Variants in SSBP3 observed in about 807,000 individuals in gnomAD.
SSBP3 encodes the protein single-stranded DNA-binding protein 3.
A neutral mutation model predicts 69.6 loss-of-function variants in SSBP3; 5 were observed. The observed-to-expected ratio is 0.07, with a 90% CI of 0.04 to 0.15. SSBP3 has a LOEUF of 0.15. Among genes scored for constraint, SSBP3 ranks in the 10% least tolerant of loss-of-function variants. The pLI, the probability that SSBP3 is intolerant of heterozygous loss-of-function variation, is 1.00. For synonymous variants in SSBP3, 196 were observed against 193.4 expected (o/e 1.01, Z -0.11); for missense variants, 312 against 534.0 (o/e 0.58, Z 4.10).
At chr1:54,406,879 T>C (rs1416179345), upstream of SSBP3, among the ~76,000 whole-genome samples, 2 of 149,368 alleles carry the variant, frequency 1.3e-5, no homozygotes, top group Non-Finnish European at 3.0e-5. Flanking sequence ...GCCCAGCCCT[T>C]ATCTCGCCCT....
chr1:54,345,180 C>T (rs1646669314), intron 4 of SSBP3, among the ~76,000 whole-genome samples: 1 of 152,076 alleles, frequency 6.6e-6, no homozygotes, highest in African/African-American at 2.4e-5. Flanking sequence ...GAAACTTCTG[C>T]AAGGGAAGAA....
At chr1:54,373,600 T>TA (rs916292638) in intron 4 of SSBP3, among the ~76,000 whole-genome samples, 56 of 149,976 alleles carry the variant, frequency 3.7e-4, no homozygotes, top group South Asian at 1.3e-3. Flanking sequence ...CCCATCTCTA[T>TA]AAAAAAAAAT....
At chr1:54,318,821 T>TGTTATTATATCACTG (rs1292021206) in intron 4 of SSBP3, among the ~76,000 whole-genome samples, 2 of 152,194 alleles carry the variant, frequency 1.3e-5, no homozygotes, top group Non-Finnish European at 2.9e-5. Context: ...TGTACCAGCC[T>TGTTATTATATCACTG]TACCTATGCC....
chr1:54,231,151 A>T (rs1644373370), intron 14 of SSBP3, among the ~76,000 whole-genome samples: 2 of 152,192 alleles, frequency 1.3e-5, no homozygotes, highest in South Asian at 4.1e-4. Context: ...GCCATTTTAC[A>T]TTCCCACGAG....
At chr1:54,257,799 G>A (rs1644948364) in intron 6 of SSBP3, among the ~76,000 whole-genome samples, 1 of 152,158 alleles carries the variant, frequency 6.6e-6, no homozygotes, top group African/African-American at 2.4e-5. Flanking sequence ...AACCAAAAGT[G>A]AGAGAGGAAA....
At chr1:54,340,434 C>T (rs1453431144) in intron 4 of SSBP3, among the ~76,000 whole-genome samples, 5 of 152,330 alleles carry the variant, frequency 3.3e-5, no homozygotes, top group Admixed American at 3.3e-4. Flanking sequence ...GCTTCAAGCC[C>T]ACCCATCTCC....
At chr1:54,254,192 T>C (rs671584) in intron 7 of SSBP3, among the ~76,000 whole-genome samples, 94,989 of 152,146 alleles carry the variant, frequency 0.62, 30,746 homozygotes, top group African/African-American at 0.79. Context: ...CTCTGGGGCT[T>C]CTGGACGGAG....
intron 4 of SSBP3, among the ~76,000 whole-genome samples, chr1:54,294,463 CCCA>C (rs1557505320): frequency 1.3e-5 from 2 of 152,208 alleles, no homozygotes; most frequent in Non-Finnish European, 2.9e-5. Context: ...ATCACCCCCT[CCCA>C]AGACAATGGG....
intron 4 of SSBP3, among the ~76,000 whole-genome samples, chr1:54,291,680 A>G (rs1645610916): frequency 6.6e-6 from 1 of 152,204 alleles, no homozygotes; most frequent in Non-Finnish European, 1.5e-5. Flanking sequence ...CAGAGTCATT[A>G]ATTGATTTAT....
At chr1:54,343,119 G>A (rs930164308) in intron 4 of SSBP3, among the ~76,000 whole-genome samples, 1 of 152,166 alleles carries the variant, frequency 6.6e-6, no homozygotes, top group African/African-American at 2.4e-5. Context: ...CTGTACCAGG[G>A]GGATACTTAG....
In SSBP3 at chr1:54,243,306, C is replaced by T. The variant is rs746611166; in HGVS notation, c.652-7G>A. ...TCATGCCGCTGCCGTAATTCTGCAA[C>T]GATAACCAAGGGTCAGTCTATGAGA... On this transcript the variant is annotated splice_polypyrimidine_tract_variant and splice_region_variant and intron_variant, in intron 9 of 17. Coordinates refer to ENST00000610401, the Ensembl canonical transcript of SSBP3. 7.4e-6 allele frequency: 12 copies of T among 1,613,228 alleles called. No individual in the cohort carries two copies. Among genetic ancestry groups the T allele is most frequent in the East Asian group, 2.2e-5 (1 of 44,852 alleles).
chr1:54,355,406 G>A (rs1646847231), intron 4 of SSBP3, among the ~76,000 whole-genome samples: 2 of 152,180 alleles, frequency 1.3e-5, no homozygotes, highest in Non-Finnish European at 2.9e-5. Flanking sequence ...CTGGAGTACA[G>A]TGGCACAATC....
intron 4 of SSBP3, among the ~76,000 whole-genome samples, chr1:54,331,583 G>C (rs906552352): frequency 6.6e-6 from 1 of 152,186 alleles, no homozygotes; most frequent in African/African-American, 2.4e-5. Context: ...AACAGAGCTG[G>C]AGTTCCTCTT....
intron 5 of SSBP3, among the ~76,000 whole-genome samples, chr1:54,270,458 T>C (rs536910786): frequency 6.6e-6 from 1 of 152,278 alleles, no homozygotes; most frequent in Non-Finnish European, 1.5e-5. Flanking sequence ...GGAAGTAACG[T>C]GTTAAAGGGC....
At chr1:54,239,669 G>T (rs913036115) in intron 13 of SSBP3, among the ~76,000 whole-genome samples, 2 of 152,318 alleles carry the variant, frequency 1.3e-5, no homozygotes, top group East Asian at 1.9e-4. Flanking sequence ...GGCTGGAAAC[G>T]CATTCACATA....
chr1:54,384,600 G>A (rs1431583694), intron 4 of SSBP3, among the ~76,000 whole-genome samples: 1 of 152,244 alleles, frequency 6.6e-6, no homozygotes, highest in Non-Finnish European at 1.5e-5. Context: ...GGTTCCCTGA[G>A]AGGAGAAAGA....
exon 18 of SSBP3, chr1:54,227,070 T>C (rs1370848688): frequency 1.4e-6 from 2 of 1,424,646 alleles, no homozygotes. Context: ...ACTTCTTGCA[T>C]AATTTCTGGC....
intron 5 of SSBP3, among the ~76,000 whole-genome samples, chr1:54,263,068 C>T (rs1645042599): frequency 6.6e-6 from 1 of 152,184 alleles, no homozygotes; most frequent in South Asian, 2.1e-4. Context: ...TCCTGAGAGC[C>T]ACTTAGGCAG....
rs192081357 is a variant in SSBP3 at position 54,330,288 on chromosome 1, A to C, written c.277-48761T>G. Among the ~76,000 whole-genome samples, 13 of 152,326 alleles carry C rather than the reference A, an allele frequency of 8.5e-5. No individual in the cohort carries two copies. The East Asian group carries it at 2.1e-3, about 25-fold the overall frequency. ...CCCAAAGGGCACTGGTTCCGGGCAC[A>C]TGAGGACTGCTGGTGACCAAGAGGG... On this transcript the variant is annotated intron_variant, in intron 4 of 17. Transcript: ENST00000610401.
Sources: allele counts gnomAD v4.1 joint callset (sites outside exome capture counted in the v4.1 genomes callset), GRCh38; gene constraint gnomAD v4.1.1; transcripts MANE v1.5; gene names NCBI Gene and HGNC (gene_info 2026-07-23, HGNC 2026-07-21).